Variants in PTPRR observed in about 807,000 individuals in gnomAD.
PTPRR encodes protein tyrosine phosphatase receptor type R, also known as receptor-type tyrosine-protein phosphatase R.
PTPRR carries 38 observed loss-of-function variants against 77.2 expected under a neutral mutation model. The ratio of observed to expected loss-of-function variants is 0.49; its 90% CI spans 0.38 to 0.65. The LOEUF is 0.65. PTPRR is among the 30% of genes least tolerant of loss of function. The probability of loss-of-function intolerance (pLI) is 0.00; values close to 1 mark genes in which losing one functional copy is unlikely to be tolerated. For synonymous variants in PTPRR, 299 were observed against 283.1 expected (o/e 1.06, Z -0.57); for missense variants, 744 against 799.2 (o/e 0.93, Z 0.83).
chr12:70,722,927 A>G (rs189128610), intron 6 of PTPRR, among the ~76,000 whole-genome samples: 1 of 152,350 alleles, frequency 6.6e-6, no homozygotes, highest in African/African-American at 2.4e-5. Flanking sequence ...CTTCCACCCA[A>G]GTCCCTGAAA....
chr12:70,696,263 T>C (rs1427029833), intron 8 of PTPRR, among the ~76,000 whole-genome samples: 1 of 152,162 alleles, frequency 6.6e-6, no homozygotes, highest in Non-Finnish European at 1.5e-5. Flanking sequence ...AGTATCTTTA[T>C]TCTGGCCTAT....
intron 2 of PTPRR, among the ~76,000 whole-genome samples, chr12:70,845,151 G>T (rs779080385): frequency 2.0e-5 from 3 of 152,156 alleles, no homozygotes; most frequent in Non-Finnish European, 2.9e-5. Context: ...ATGGGCTGCA[G>T]ATGTTCACTT....
intron 8 of PTPRR, among the ~76,000 whole-genome samples, chr12:70,687,139 A>G (rs1003788543): frequency 1.1e-4 from 16 of 152,002 alleles, no homozygotes; most frequent in Non-Finnish European, 1.9e-4. Context: ...AGATTAGGAA[A>G]TTGCAGCACA....
Position 70,903,202 on chromosome 12 carries a change from T to C in PTPRR, c.59-10225A>G, listed in dbSNP as rs573722125. On this transcript the variant is annotated intron_variant, in intron 1 of 13. Transcript: ENST00000283228. ...GATCTATTGCACAGCAGGGTGACTA[T>C]AGTCAATAATTTATTGTGTATTTCA... is the stretch of plus-strand genomic sequence containing the variant. Among the ~76,000 whole-genome samples, 7 of 151,950 alleles carry C rather than the reference T, an allele frequency of 4.6e-5. No individual in the cohort carries two copies. The South Asian group carries it at 1.2e-3, about 27-fold the overall frequency.
At chr12:70,894,137 C>T (rs1042878985) in intron 1 of PTPRR, among the ~76,000 whole-genome samples, 2 of 151,864 alleles carry the variant, frequency 1.3e-5, no homozygotes, top group African/African-American at 4.8e-5. Flanking sequence ...CTTGTGGTAA[C>T]AAGTGCTGTC....
intron 12 of PTPRR, among the ~76,000 whole-genome samples, chr12:70,658,721 C>CTT (rs78112860): frequency 7.2e-6 from 1 of 138,912 alleles, no homozygotes. Flanking sequence ...GAAATACATC[C>CTT]TTTTTTTTTT....
intron 6 of PTPRR, among the ~76,000 whole-genome samples, chr12:70,707,385 A>C (rs1243809368): frequency 6.6e-6 from 1 of 152,102 alleles, no homozygotes; most frequent in Non-Finnish European, 1.5e-5. Context: ...AAAAAAAGGA[A>C]GTAGGCACAG....
chr12:70,720,717 G>A (rs1341175939), intron 6 of PTPRR, among the ~76,000 whole-genome samples: 1 of 152,014 alleles, frequency 6.6e-6, no homozygotes, highest in African/African-American at 2.4e-5. Flanking sequence ...CTGGTCTCAA[G>A]TGATCCCCCA....
intron 10 of PTPRR, among the ~76,000 whole-genome samples, chr12:70,667,665 A>C (rs908365471): frequency 6.6e-6 from 1 of 152,130 alleles, no homozygotes; most frequent in African/African-American, 2.4e-5. Flanking sequence ...AAAGTCCTGC[A>C]TGAGATCCTA....
At chr12:70,913,206 A>C (rs1455892582) in intron 1 of PTPRR, among the ~76,000 whole-genome samples, 2 of 152,140 alleles carry the variant, frequency 1.3e-5, no homozygotes, top group African/African-American at 4.8e-5. Flanking sequence ...CTTCTATGAG[A>C]AAAAATATGT....
At chr12:70,759,197 A>C (rs1220793080) in intron 4 of PTPRR, among the ~76,000 whole-genome samples, 1 of 152,018 alleles carries the variant, frequency 6.6e-6, no homozygotes, top group Non-Finnish European at 1.5e-5. Context: ...TGACCTCCCA[A>C]AGTGCTGGGA....
At chr12:70,722,027 G>C (rs1889275017) in intron 6 of PTPRR, among the ~76,000 whole-genome samples, 1 of 152,152 alleles carries the variant, frequency 6.6e-6, no homozygotes, top group African/African-American at 2.4e-5. Flanking sequence ...TTTTCAAAAT[G>C]AGGGAGGCAT....
chr12:70,783,858 G>GGGGAC (rs1891256358), intron 2 of PTPRR, among the ~76,000 whole-genome samples: 1 of 113,614 alleles, frequency 8.8e-6, no homozygotes, highest in African/African-American at 3.8e-5. Flanking sequence ...GCTGTGTGGG[G>GGGGAC]GGGACGGGGG....
intron 1 of PTPRR, among the ~76,000 whole-genome samples, chr12:70,908,655 C>T (rs1893658848): frequency 6.6e-6 from 1 of 152,138 alleles, no homozygotes; most frequent in Admixed American, 6.5e-5. Context: ...TGGGTGAGGA[C>T]ACAGCCAAAC....
intron 10 of PTPRR, among the ~76,000 whole-genome samples, chr12:70,667,311 A>G (rs1340604835): frequency 6.6e-6 from 1 of 152,168 alleles, no homozygotes. Flanking sequence ...AAAGCAGGCT[A>G]ATGCAGTTTA....
At chr12:70,890,598 C>T (rs1272308237) in intron 2 of PTPRR, among the ~76,000 whole-genome samples, 1 of 151,982 alleles carries the variant, frequency 6.6e-6, no homozygotes, top group South Asian at 2.1e-4. Flanking sequence ...GCTTTTTACC[C>T]TGGCTGGAAA....
intron 2 of PTPRR, among the ~76,000 whole-genome samples, chr12:70,803,631 C>G (rs1288244948): frequency 2.6e-5 from 4 of 152,092 alleles, no homozygotes; most frequent in African/African-American, 9.7e-5. Flanking sequence ...CGAGACAATG[C>G]TGCCCATGGA....
chr12:70,706,650 A>G (rs1862107473), intron 6 of PTPRR, among the ~76,000 whole-genome samples: 1 of 152,106 alleles, frequency 6.6e-6, no homozygotes, highest in South Asian at 2.1e-4. Flanking sequence ...CTGACCTTTT[A>G]TATGTGTATA....
rs895346935 is a variant in PTPRR at position 70,745,865 on chromosome 12, A to G, written c.960T>C (p.Ser320=). The change falls in exon 6 of 14, where the codon TCT becomes TCC. Residue 320 remains serine, a synonymous_variant. Transcript: ENST00000283228. The part of the protein sequence containing the change: ...APEIKATTAT[S]VCPSPFKMKP... ...TCATTTTGAAAGGAGAAGGGCAAACAGAGGTAGCGGTGGTAGCTTTGATCT... is the reference window on the plus strand; with the variant it reads ...TCATTTTGAAAGGAGAAGGGCAAACGGAGGTAGCGGTGGTAGCTTTGATCT... 1.9e-6 allele frequency: 3 copies of G among 1,613,998 alleles called. No homozygotes were observed. Among genetic ancestry groups the G allele is most frequent in the Admixed American group, 1.7e-5 (1 of 59,986 alleles).
Sources: gnomAD v4.1 joint callset for allele counts (sites outside exome capture counted in the v4.1 genomes callset) on GRCh38, gnomAD v4.1.1 for gene constraint, MANE v1.5 for transcripts, NCBI Gene and HGNC (gene_info 2026-07-23, HGNC 2026-07-21) for gene names.